The following SPATA16 variants were observed in gnomAD, a reference collection of about 807,000 sequenced individuals.
The protein encoded by SPATA16 is spermatogenesis-associated protein 16.
A neutral mutation model predicts 63.3 loss-of-function variants in SPATA16; 36 were observed. The observed-to-expected ratio is 0.57, with a 90% CI of 0.44 to 0.75. The LOEUF is 0.75. Among genes scored for constraint, SPATA16 ranks in the 30% least tolerant of loss-of-function variants. The probability of loss-of-function intolerance (pLI) is 0.00; values close to 1 mark genes in which losing one functional copy is unlikely to be tolerated. For missense variants in SPATA16, 646 were observed against 679.3 expected, an observed-to-expected ratio of 0.95 and a Z score of 0.54; for synonymous variants, 203 against 216.7, an observed-to-expected ratio of 0.94 and a Z score of 0.56.
chr3:172,945,808 C>G (rs1733270206), intron 6 of SPATA16, among the ~76,000 whole-genome samples: 1 of 152,158 alleles, frequency 6.6e-6, no homozygotes. Context: ...GAAAGGTAGT[C>G]TAGGCTACAA....
chr3:173,139,439 A>G (rs1738638498), intron 1 of SPATA16, among the ~76,000 whole-genome samples: 1 of 152,206 alleles, frequency 6.6e-6, no homozygotes, highest in Non-Finnish European at 1.5e-5. Context: ...CTTGAACATT[A>G]CTTTCCAAGA....
intron 2 of SPATA16, among the ~76,000 whole-genome samples, chr3:173,112,370 C>T (rs1737770434): frequency 6.6e-6 from 1 of 152,190 alleles, no homozygotes; most frequent in African/African-American, 2.4e-5. Flanking sequence ...TGTTAAAATG[C>T]AGGTTCTGAT....
chr3:172,918,488 C>G (rs1732547157), intron 8 of SPATA16, among the ~76,000 whole-genome samples: 1 of 152,024 alleles, frequency 6.6e-6, no homozygotes, highest in South Asian at 2.1e-4. Context: ...CCTCCTCCCC[C>G]CGAAGCCAAA....
At chr3:172,904,860 C>T (rs1268575808) in intron 10 of SPATA16, among the ~76,000 whole-genome samples, 1 of 152,244 alleles carries the variant, frequency 6.6e-6, no homozygotes, top group East Asian at 1.9e-4. Context: ...CTTCCCGGGT[C>T]CGATTGCCCC....
intron 2 of SPATA16, among the ~76,000 whole-genome samples, chr3:173,085,276 TGTGAATGGGA>T (rs1254094319): frequency 1.3e-5 from 2 of 152,144 alleles, no homozygotes; most frequent in Admixed American, 1.3e-4. Context: ...TTGTAGCAAT[TGTGAATGGGA>T]GTGCATTCAT....
In SPATA16 at chr3:172,991,460, C is replaced by T. The variant is rs568313866; in HGVS notation, c.849-14408G>A. 2.0e-5 allele frequency among the ~76,000 whole-genome samples: 3 copies of T among 152,176 alleles called. No individual in the cohort carries two copies. The East Asian group carries it at 5.8e-4, about 29-fold the overall frequency. ...CCCTAAGAGTCTACAGAAAAAAATG[C>T]GTATACATGCACACCTTTTTTCTTC... is the stretch of plus-strand genomic sequence containing the variant. On this transcript the variant is annotated intron_variant, in intron 4 of 10. Coordinates refer to ENST00000351008, the MANE Select transcript of SPATA16 (RefSeq NM_031955.6).
chr3:172,956,096 G>C (rs969789794), intron 6 of SPATA16, among the ~76,000 whole-genome samples: 2 of 152,088 alleles, frequency 1.3e-5, no homozygotes, highest in African/African-American at 4.8e-5. Flanking sequence ...AATAATGCTT[G>C]ATGCACAGTA....
intron 5 of SPATA16, among the ~76,000 whole-genome samples, chr3:172,957,633 G>T (rs756560426): frequency 6.6e-6 from 1 of 151,994 alleles, no homozygotes; most frequent in Non-Finnish European, 1.5e-5. Context: ...TTTTAATATG[G>T]CATAAAAGCA....
At chr3:173,073,603 C>A (rs1266068777) in intron 2 of SPATA16, among the ~76,000 whole-genome samples, 1 of 152,208 alleles carries the variant, frequency 6.6e-6, no homozygotes, top group East Asian at 1.9e-4. Context: ...GGTTTGGGGA[C>A]CTCTGCCTAG....
intron 2 of SPATA16, among the ~76,000 whole-genome samples, chr3:173,113,510 T>A (rs961593125): frequency 6.6e-6 from 1 of 152,246 alleles, no homozygotes; most frequent in Non-Finnish European, 1.5e-5. Flanking sequence ...CCTGCTATGT[T>A]ACAAAATCCT....
chr3:172,957,246 A>C (rs765394504), intron 5 of SPATA16, among the ~76,000 whole-genome samples: 1 of 152,174 alleles, frequency 6.6e-6, no homozygotes. Flanking sequence ...TTCTGTAAAT[A>C]ACACGGCAAA....
At chr3:172,914,385 T>C (rs1732435076) in intron 9 of SPATA16, among the ~76,000 whole-genome samples, 1 of 152,170 alleles carries the variant, frequency 6.6e-6, no homozygotes, top group South Asian at 2.1e-4. Flanking sequence ...GAAAGTGAAA[T>C]GAAGTTACAT....
chr3:173,136,241 G>A (rs1330920534), intron 1 of SPATA16, among the ~76,000 whole-genome samples: 1 of 152,218 alleles, frequency 6.6e-6, no homozygotes, highest in Non-Finnish European at 1.5e-5. Context: ...TTACATTTCT[G>A]AGGGTTCCAA....
At chr3:172,920,490 A>T (rs1489647073) in intron 8 of SPATA16, among the ~76,000 whole-genome samples, 1 of 152,200 alleles carries the variant, frequency 6.6e-6, no homozygotes, top group Non-Finnish European at 1.5e-5. Flanking sequence ...AATTTTACTC[A>T]CTTTATATTT....
chr3:172,981,562 C>G (rs1289406342), intron 4 of SPATA16, among the ~76,000 whole-genome samples: 1 of 151,860 alleles, frequency 6.6e-6, no homozygotes, highest in East Asian at 1.9e-4. Flanking sequence ...CAGTCCTTCT[C>G]CTGAAATGCT....
rs553771148 is a variant in SPATA16 at position 172,959,086 on chromosome 3, A to G, written c.934-2262T>C. ...GTATTTTGCTTTAATTTCTGGATTA[A>G]CAAATCTAGCAAAGGTATAATCCTC... is the stretch of plus-strand genomic sequence containing the variant. On this transcript the variant is annotated intron_variant, in intron 5 of 10. Transcript: ENST00000351008. Among the ~76,000 whole-genome samples the G allele has an allele frequency of 4.4e-5, 4 of 90,342 alleles. No individual in the cohort carries two copies. In the South Asian group the frequency reaches 8.8e-4, roughly 20 times the overall value. 59.3% of individuals were successfully genotyped at this position (90,342 alleles called of 152,430 possible). A position where few individuals can be genotyped will look rare whatever the true frequency, so the allele number is the denominator to read the frequency against.
chr3:173,042,466 T>C (rs999969152), intron 3 of SPATA16, among the ~76,000 whole-genome samples: 8 of 152,234 alleles, frequency 5.3e-5, no homozygotes, highest in African/African-American at 1.9e-4. Context: ...ACCTCAGCGA[T>C]CCACCCCCCT....
At chr3:172,932,997 A>G (rs1402727592) in intron 6 of SPATA16, among the ~76,000 whole-genome samples, 1 of 152,180 alleles carries the variant, frequency 6.6e-6, no homozygotes, top group African/African-American at 2.4e-5. Context: ...GGAATTTTAT[A>G]CACAGCTCAT....
Position 172,956,687 on chromosome 3 carries a change from A to G in SPATA16, c.1071T>C (p.Tyr357=), listed in dbSNP as rs765875315. ...GATATTGAATCTTACCTGTGTACATATACTCTGCATATGCAGGATGAGTTT... is the reference window on the plus strand; with the variant it reads ...GATATTGAATCTTACCTGTGTACATGTACTCTGCATATGCAGGATGAGTTT... ...FTKTHPAYAE[Y]MYTDLQALHM... is the part of the protein sequence containing the mutation. The change falls in exon 6 of 11, where the codon TAT becomes TAC. Residue 357 remains tyrosine, a synonymous_variant. Coordinates refer to ENST00000351008, the MANE Select transcript of SPATA16 (RefSeq NM_031955.6). 5 of 1,611,870 alleles carry G rather than the reference A, an allele frequency of 3.1e-6. No homozygotes were observed. Among genetic ancestry groups the G allele is most frequent in the Admixed American group, 1.7e-5 (1 of 59,930 alleles).
Sources: allele counts gnomAD v4.1 joint callset (sites outside exome capture counted in the v4.1 genomes callset), GRCh38; gene constraint gnomAD v4.1.1; transcripts MANE v1.5; gene names NCBI Gene and HGNC (gene_info 2026-07-23, HGNC 2026-07-21).